PLEK: variants seen among roughly 807,000 people sequenced by gnomAD.
PLEK encodes the protein platelet 47 kDa protein.
Under a neutral mutation model 43.9 loss-of-function variants are expected in PLEK, and 25 were observed. The observed-to-expected ratio is 0.57, with a 90% CI of 0.41 to 0.79. The LOEUF is 0.79. Ranked by LOEUF, PLEK falls within the 30% of genes least tolerant of loss-of-function variation. PLEK has a pLI of 0.00. For missense variants in PLEK, 396 were observed against 413.3 expected, an observed-to-expected ratio of 0.96 and a Z score of 0.36; for synonymous variants, 152 against 144.4, an observed-to-expected ratio of 1.05 and a Z score of -0.38.
chr2:68,380,847 A>G lies in PLEK; in HGVS notation c.323A>G (p.Lys108Arg), dbSNP rs1673599303. Residue 108 changes from lysine (K) to arginine (R), a missense_variant, in exon 3 of 9, where the codon AAA becomes AGA. Lys to Arg is a conservative substitution (Grantham distance 26, BLOSUM62 2). Transcript: ENST00000234313. Reference protein sequence around the residue: ...KAIKCIEGGQKFARKSTRRSI... With the variant: ...KAIKCIEGGQRFARKSTRRSI... ...ATTAAATGCATTGAAGGAGGCCAGAAATTTGCCAGGAAATCTACCAGGAGG... is the reference window on the plus strand; with the variant it reads ...ATTAAATGCATTGAAGGAGGCCAGAGATTTGCCAGGAAATCTACCAGGAGG... The G allele has an allele frequency of 1.2e-6, 2 of 1,614,068 alleles. No homozygotes were observed. The highest frequency in any genetic ancestry group is 1.3e-5 in the African/African-American group (1 of 75,038).
intron 1 of PLEK, among the ~76,000 whole-genome samples, chr2:68,369,939 A>T (rs1673366785): frequency 6.6e-6 from 1 of 151,918 alleles, no homozygotes; most frequent in South Asian, 2.1e-4. Context: ...TACTGAATAG[A>T]CTAGTTCCTT....
intron 1 of PLEK, among the ~76,000 whole-genome samples, chr2:68,368,310 T>C (rs1673323064): frequency 6.6e-6 from 1 of 152,270 alleles, no homozygotes; most frequent in Non-Finnish European, 1.5e-5. Flanking sequence ...AGCAAGCTGC[T>C]ATACGAACAT....
At chr2:68,386,961 A>T (rs561141288) in intron 5 of PLEK, among the ~76,000 whole-genome samples, 15 of 152,260 alleles carry the variant, frequency 9.9e-5, no homozygotes, top group South Asian at 6.2e-4. Context: ...TTGAAAAAAA[A>T]TTTTTAAAGG....
In PLEK at chr2:68,382,545, C is replaced by G; in HGVS notation, c.384C>G (p.Ala128=). Residue 128 remains alanine (A), a synonymous_variant, in exon 4 of 9, where the codon GCC becomes GCG. Transcript: ENST00000234313. ...IRLPETIDLG[A]LYLSMKDTEK... ...TTGCTTTTTTATCTCTGTGCAGTGC[C>G]TTATATTTGTCCATGAAAGACACTG... The G allele has an allele frequency of 6.4e-7, 1 of 1,564,860 alleles. No individual in the cohort carries two copies. The highest frequency in any genetic ancestry group is 8.8e-7 in the Non-Finnish European group (1 of 1,136,092).
intron 7 of PLEK, 78 bp downstream of exon 7, chr2:68,393,323 T>C (rs763841679): frequency 5.1e-6 from 5 of 971,028 alleles, no homozygotes; most frequent in Non-Finnish European, 8.4e-6. Context: ...TATTCCCCTC[T>C]CTACTCTGTT....
chr2:68,384,910 AT>A (rs1163958583), intron 4 of PLEK, among the ~76,000 whole-genome samples: 2 of 152,218 alleles, frequency 1.3e-5, no homozygotes, highest in African/African-American at 2.4e-5. Context: ...AAAAGAAGAA[AT>A]GCAGTGTCAC....
intron 2 of PLEK, 112 bp from the exon 3 acceptor site, chr2:68,380,611 G>T (rs539100256): frequency 1.3e-5 from 18 of 1,405,434 alleles, no homozygotes; most frequent in Non-Finnish European, 1.6e-5. Flanking sequence ...CCCCACCCTG[G>T]CATTTGGGTT....
At chr2:68,385,752 A>G (rs113049001) in intron 4 of PLEK, among the ~76,000 whole-genome samples, 4 of 152,266 alleles carry the variant, frequency 2.6e-5, no homozygotes, top group Non-Finnish European at 5.9e-5. Flanking sequence ...CACTTCCTCT[A>G]TGAATCTTTT....
chr2:68,376,470 G>C (rs1026325050), intron 1 of PLEK, among the ~76,000 whole-genome samples: 2 of 152,126 alleles, frequency 1.3e-5, no homozygotes, highest in African/African-American at 2.4e-5. Flanking sequence ...GGCCAAAGCT[G>C]AGTTACATAT....
intron 1 of PLEK, among the ~76,000 whole-genome samples, chr2:68,366,890 G>A (rs1223326295): frequency 6.6e-6 from 1 of 152,146 alleles, no homozygotes; most frequent in Non-Finnish European, 1.5e-5. Flanking sequence ...AAAACATCTT[G>A]CAATGAAAAT....
intron 6 of PLEK, 142 bp downstream of exon 6, chr2:68,388,633 C>T (rs1172666988): frequency 1.9e-6 from 1 of 534,966 alleles, no homozygotes; most frequent in Non-Finnish European, 3.5e-6. Flanking sequence ...AGATGAGTAG[C>T]TCTTTAGATA....
At chr2:68,369,441 A>G (rs1558495293) in intron 1 of PLEK, among the ~76,000 whole-genome samples, 1 of 149,702 alleles carries the variant, frequency 6.7e-6, no homozygotes, top group African/African-American at 2.5e-5. Flanking sequence ...GGGGAACATT[A>G]TGCCAGAGCG....
chr2:68,396,036 A>G lies in PLEK; in HGVS notation c.*220A>G. 1 of 501,216 alleles carries G rather than the reference A, an allele frequency of 2.0e-6. No individual in the cohort carries two copies. Among genetic ancestry groups the G allele is most frequent in the East Asian group, 3.1e-5 (1 of 32,290 alleles). 31.0% of individuals were successfully genotyped at this position (501,216 alleles called of 1,614,324 possible). A position where few individuals can be genotyped will look rare whatever the true frequency, so the allele number is the denominator to read the frequency against. On this transcript the variant is annotated 3_prime_UTR_variant, in exon 9 of 9. Transcript: ENST00000234313. ...CTGCCCCTATCCATGACCCCCAAGC[A>G]GATATAACAAGCTGTGCAGCCTCAG... is the stretch of plus-strand genomic sequence containing the variant.
intron 1 of PLEK, among the ~76,000 whole-genome samples, chr2:68,367,582 T>C (rs1004166986): frequency 2.0e-5 from 3 of 152,214 alleles, no homozygotes; most frequent in Non-Finnish European, 4.4e-5. Context: ...TAAGTTTCCT[T>C]CAGTTACCTC....
chr2:68,383,010 A>C (rs1466332868), intron 4 of PLEK, among the ~76,000 whole-genome samples: 1 of 152,214 alleles, frequency 6.6e-6, no homozygotes, highest in African/African-American at 2.4e-5. Flanking sequence ...AAATGACAAT[A>C]TTAGGGCTAT....
At chr2:68,377,952 T>C (rs960099251) in intron 1 of PLEK, among the ~76,000 whole-genome samples, 1 of 152,182 alleles carries the variant, frequency 6.6e-6, no homozygotes. Context: ...CCTGACAATA[T>C]GATGGTGAAG....
At chr2:68,373,934 A>T (rs1673455011) in intron 1 of PLEK, among the ~76,000 whole-genome samples, 1 of 152,254 alleles carries the variant, frequency 6.6e-6, no homozygotes, top group South Asian at 2.1e-4. Context: ...TAGCAGAGTC[A>T]TATGTTACTC....
Position 68,393,166 on chromosome 2 carries a change from A to G in PLEK, c.767A>G (p.His256Arg), listed in dbSNP as rs1673893885. ...TAATGTTGATCCTGGATACAGGGGC[A>G]TAGAAGGAAAAACTGGAAAGTGAGG... ...IKQGCLLKQG[H>R]RRKNWKVRKF... Residue 256 changes from histidine (H) to arginine (R), a missense_variant, in exon 7 of 9, where the codon CAT becomes CGT. By Grantham distance (29) the His-to-Arg change is conservative. Transcript: ENST00000234313. 6.2e-7 allele frequency: 1 copy of G among 1,605,046 alleles called. No individual in the cohort carries two copies. Among genetic ancestry groups the G allele is most frequent in the East Asian group, 2.2e-5 (1 of 44,844 alleles).
intron 1 of PLEK, among the ~76,000 whole-genome samples, chr2:68,372,296 C>T (rs1172503927): frequency 1.3e-5 from 2 of 151,878 alleles, no homozygotes; most frequent in African/African-American, 4.8e-5. Flanking sequence ...GCCTCAGCCT[C>T]CCAAGTAGCT....
Sources: allele counts gnomAD v4.1 joint callset (sites outside exome capture counted in the v4.1 genomes callset), GRCh38; gene constraint gnomAD v4.1.1; transcripts MANE v1.5; gene names NCBI Gene and HGNC (gene_info 2026-07-23, HGNC 2026-07-21).